Variants in PTPRH observed in about 807,000 individuals in gnomAD.
PTPRH encodes the protein protein tyrosine phosphatase receptor type H, also known as receptor-type tyrosine-protein phosphatase H.
In PTPRH, 113 loss-of-function variants were observed where a neutral mutation model predicts 130.2. The ratio of observed to expected loss-of-function variants is 0.87; its 90% confidence interval spans 0.75 to 1.01. The LOEUF (loss-of-function observed/expected upper bound fraction) is 1.01, where lower values mean the gene tolerates loss of function less well. Ranked by LOEUF, PTPRH falls within the 50% of genes least tolerant of loss-of-function variation. The probability of loss-of-function intolerance (pLI) is 0.00; values close to 1 mark genes in which losing one functional copy is unlikely to be tolerated. For missense variants in PTPRH, 1,430 were observed against 1,425.0 expected (o/e 1.00, Z -0.06); for synonymous variants, 556 against 577.9 (o/e 0.96, Z 0.54).
chr19:55,192,097 T>C (rs2086559069), intron 10 of PTPRH: 3 of 409,162 alleles, frequency 7.3e-6, no homozygotes, highest in South Asian at 3.8e-5. Context: ...AGCTACTTGA[T>C]TATAAGAATA....
intron 11 of PTPRH, 32 bp from the exon 12 acceptor site, chr19:55,191,580 G>A: frequency 1.2e-6 from 2 of 1,613,708 alleles, no homozygotes; most frequent in Admixed American, 1.7e-5. Flanking sequence ...GAGAGGCTCA[G>A]GGGGTGAGGC....
intron 14 of PTPRH, 94 bp downstream of exon 14, chr19:55,187,419 G>T (rs1336169624): frequency 2.0e-5 from 17 of 865,996 alleles, no homozygotes; most frequent in Middle Eastern, 4.6e-4. Flanking sequence ...TAGGGGGCAG[G>T]ACTTGTTTCT....
Position 55,181,514 on chromosome 19 carries a change from G to A in PTPRH, c.*240C>T. The A allele has an allele frequency of 1.9e-6, 1 of 534,640 alleles. No homozygotes were observed. The highest frequency in any genetic ancestry group is 3.1e-5 in the East Asian group (1 of 32,418). The allele number at this position is 534,640 out of a possible 1,614,324, so 33.1% of individuals were successfully genotyped here. ...TCCTGGAAAGACCTAGGGAATCCAA[G>A]CTATCATCCCTCTCCTCCTTCAGGG... On this transcript the variant is annotated 3_prime_UTR_variant, in exon 20 of 20. Coordinates refer to ENST00000376350, the MANE Select transcript of PTPRH (RefSeq NM_002842.5).
At chr19:55,182,437 C>T (rs2086205435) in intron 18 of PTPRH, among the ~76,000 whole-genome samples, 1 of 152,118 alleles carries the variant, frequency 6.6e-6, no homozygotes, top group African/African-American at 2.4e-5. Flanking sequence ...GGCGAAGAAT[C>T]GCTTGAACCC....
chr19:55,204,611 C>T (rs1568926312), intron 4 of PTPRH, among the ~76,000 whole-genome samples: 3 of 152,112 alleles, frequency 2.0e-5, no homozygotes, highest in Middle Eastern at 6.8e-3. Flanking sequence ...TCTCCCCCAC[C>T]AGTGTCACTT....
chr19:55,206,308 G>C (rs1340449170), intron 3 of PTPRH, among the ~76,000 whole-genome samples: 1 of 129,500 alleles, frequency 7.7e-6, no homozygotes, highest in East Asian at 2.2e-4. Context: ...CTTTTCTTTT[G>C]TTTTCTTTTG....
In PTPRH at chr19:55,182,138, G is replaced by T; in HGVS notation, c.3076C>A (p.Arg1026Ser). The change falls in exon 19 of 20, where the codon CGC becomes AGC. Residue 1026 changes from arginine to serine, a missense_variant. Coordinates refer to ENST00000376350, the MANE Select transcript of PTPRH (RefSeq NM_002842.5). Reference sequence around the variant, plus strand: ...TCCAGGGCAATGAGGGTTCCTGTGCGACCCACGCCAGCACTAGGCAGAACA... The same window carrying T: ...TCCAGGGCAATGAGGGTTCCTGTGCTACCCACGCCAGCACTAGGCAGAACA... ...PIVHCSAGVG[R>S]TGTLIALDVL... The T allele has an allele frequency of 6.2e-7, 1 of 1,613,862 alleles. No individual in the cohort carries two copies.
At chr19:55,204,513 A>C (rs1357269575) in intron 4 of PTPRH, among the ~76,000 whole-genome samples, 1 of 152,156 alleles carries the variant, frequency 6.6e-6, no homozygotes, top group African/African-American at 2.4e-5. Context: ...TGCTGTGTGC[A>C]CATCTCACAG....
intron 1 of PTPRH, 187 bp from the exon 2 acceptor site, chr19:55,207,386 G>C: frequency 1.6e-6 from 1 of 615,490 alleles, no homozygotes. Context: ...AGAAGGGGGA[G>C]CATGGCAGGA....
At chr19:55,188,517 A>T (rs1477492582) in intron 12 of PTPRH, among the ~76,000 whole-genome samples, 1 of 151,288 alleles carries the variant, frequency 6.6e-6, no homozygotes, top group African/African-American at 2.4e-5. Context: ...CGTCTCAAAA[A>T]ATAAGAAATA....
chr19:55,205,893 A>G (rs1241478887), intron 3 of PTPRH, among the ~76,000 whole-genome samples: 3 of 152,206 alleles, frequency 2.0e-5, no homozygotes, highest in Admixed American at 6.5e-5. Context: ...TACTTGGTGT[A>G]TATATTGAAT....
chr19:55,197,467 C>T, intron 8 of PTPRH, 51 bp from the exon 9 acceptor site: 2 of 1,522,654 alleles, frequency 1.3e-6, no homozygotes, highest in South Asian at 1.2e-5. Context: ...GACCCTCCTA[C>T]CCCAGCCTGT....
At position 55,197,118 on chromosome 19, in the gene PTPRH, T is replaced by C. The variant is rs367786331; in HGVS notation, c.1989A>G (p.Thr663=). The change falls in exon 9 of 20, where the codon ACA becomes ACG. Residue 663 remains threonine, a splice_region_variant and synonymous_variant. Coordinates refer to ENST00000376350, the MANE Select transcript of PTPRH (RefSeq NM_002842.5). ...ASSTQSLCAS[T]YPDTVTITSC... ...TGAAGGCAGGAAGGGGATTCTCACA[T>C]GTGGACGCACAGAGGCTCTGCGTGG... The C allele has an allele frequency of 3.7e-6, 6 of 1,613,300 alleles. No individual in the cohort carries two copies. In the Admixed American group the frequency reaches 6.7e-5, roughly 18 times the overall value.
At chr19:55,187,165 G>A (rs1199050705) in intron 14 of PTPRH, among the ~76,000 whole-genome samples, 1 of 150,382 alleles carries the variant, frequency 6.6e-6, no homozygotes, top group Non-Finnish European at 1.5e-5. Flanking sequence ...CTAACACGGT[G>A]AAACCCTGTC....
rs1410967178 is a variant in PTPRH, at chr19:55,204,002, G to C, written c.666C>G (p.Ser222Arg). 5 of 1,614,076 alleles carry C rather than the reference G, an allele frequency of 3.1e-6. No homozygotes were observed. Among genetic ancestry groups the C allele is most frequent in the African/African-American group, 1.3e-5 (1 of 74,944 alleles). ...GGACCTCCCAGCTCAGGGAGATGGA[G>C]CTGGTGGTCTGAGCCTCCACTCTCA... ...RNLRVEAQTT[S>R]SISLSWEVPD... Residue 222 changes from serine to arginine, a missense_variant, in exon 5 of 20, where the codon AGC becomes AGG. Physicochemically the swap from Ser to Arg is moderately radical, Grantham distance 110. Coordinates refer to ENST00000376350, the MANE Select transcript of PTPRH (RefSeq NM_002842.5).
chr19:55,192,822 A>G (rs1365494238), intron 10 of PTPRH, among the ~76,000 whole-genome samples: 2 of 151,750 alleles, frequency 1.3e-5, no homozygotes, highest in Admixed American at 1.3e-4. Context: ...AAGTGCTGGG[A>G]TTATAGGCAT....
In PTPRH at chr19:55,191,881, C is replaced by T. The variant is rs557202097; in HGVS notation, c.2258-140G>A. The T allele has an allele frequency of 1.8e-5, 14 of 790,118 alleles. No individual in the cohort carries two copies. In the African/African-American group the frequency reaches 1.9e-4, roughly 10 times the overall value. The allele number at this position is 790,118 out of a possible 1,614,324, so 48.9% of individuals were successfully genotyped here. On this transcript the variant is annotated intron_variant, in intron 10 of 19. Transcript: ENST00000376350. ...CCCGAACATCACACGGTGTGAATTGCGTCGGTCCAGTTATACTTACGCGCT... is the reference window on the plus strand; with the variant it reads ...CCCGAACATCACACGGTGTGAATTGTGTCGGTCCAGTTATACTTACGCGCT...
chr19:55,200,809 G>A (rs1010946496), intron 6 of PTPRH, among the ~76,000 whole-genome samples: 6 of 152,252 alleles, frequency 3.9e-5, no homozygotes, highest in African/African-American at 7.2e-5. Context: ...CGGGCGTGGT[G>A]GCTGGTGCCT....
At chr19:55,202,760 C>T (rs1392423784) in intron 5 of PTPRH, among the ~76,000 whole-genome samples, 1 of 151,968 alleles carries the variant, frequency 6.6e-6, no homozygotes, top group Non-Finnish European at 1.5e-5. Flanking sequence ...TTGTATCTGC[C>T]AGGCGCAGTG....
Sources: allele counts gnomAD v4.1 joint callset (sites outside exome capture counted in the v4.1 genomes callset), GRCh38; gene constraint gnomAD v4.1.1; transcripts MANE v1.5; gene names NCBI Gene and HGNC (gene_info 2026-07-23, HGNC 2026-07-21).